Variants in CSMD1 observed in about 807,000 individuals in gnomAD.
The protein encoded by CSMD1 is CUB and Sushi multiple domains 1.
A neutral mutation model predicts 417.5 loss-of-function variants in CSMD1; 213 were observed. The ratio of observed to expected loss-of-function variants is 0.51; its 90% CI spans 0.46 to 0.57. The LOEUF is 0.57. Among genes scored for constraint, CSMD1 ranks in the 20% least tolerant of loss-of-function variants. CSMD1 has a pLI of 0.00. For missense variants in CSMD1, 6,923 were observed against 4,529.7 expected (o/e 1.53, Z -15.17); for synonymous variants, 2,862 against 1,736.8 (o/e 1.65, Z -16.11).
intron 3 of CSMD1, among the ~76,000 whole-genome samples, chr8:4,043,789 T>A (rs144804559): frequency 6.6e-6 from 1 of 152,194 alleles, no homozygotes; most frequent in African/African-American, 2.4e-5. Context: ...GCTTTATATA[T>A]GGTATTTCAA....
chr8:4,381,573 C>A (rs1017340370), intron 3 of CSMD1, among the ~76,000 whole-genome samples: 1 of 151,894 alleles, frequency 6.6e-6, no homozygotes. Flanking sequence ...GCAATTCTGC[C>A]CAAAAGCAAT....
chr8:4,243,735 G>C (rs1048635981), intron 3 of CSMD1, among the ~76,000 whole-genome samples: 7 of 152,030 alleles, frequency 4.6e-5, no homozygotes, highest in African/African-American at 1.7e-4. Context: ...CCACAAAAAA[G>C]AACACTCATT....
intron 3 of CSMD1, among the ~76,000 whole-genome samples, chr8:4,072,213 T>C (rs929409909): frequency 6.6e-6 from 1 of 152,210 alleles, no homozygotes; most frequent in East Asian, 1.9e-4. Context: ...TATTTTTATA[T>C]TTCATCCACA....
At chr8:4,135,115 T>C (rs565965365) in intron 3 of CSMD1, among the ~76,000 whole-genome samples, 7 of 152,304 alleles carry the variant, frequency 4.6e-5, no homozygotes, top group South Asian at 2.1e-4. Flanking sequence ...ATTGCATAAA[T>C]GTTCTTGACG....
intron 2 of CSMD1, among the ~76,000 whole-genome samples, chr8:4,441,200 G>A (rs1337793089): frequency 7.6e-6 from 1 of 130,986 alleles, no homozygotes; most frequent in Non-Finnish European, 1.6e-5. Context: ...CTGGGATCAA[G>A]CAATCCTCGC....
intron 5 of CSMD1, among the ~76,000 whole-genome samples, chr8:3,797,529 C>G (rs1055135438): frequency 2.0e-5 from 3 of 151,900 alleles, no homozygotes; most frequent in Admixed American, 6.6e-5. Context: ...ATATATTAGG[C>G]AAGCTCTCTT....
At chr8:4,614,043 A>C (rs1020177022) in intron 2 of CSMD1, among the ~76,000 whole-genome samples, 1 of 152,180 alleles carries the variant, frequency 6.6e-6, no homozygotes, top group Non-Finnish European at 1.5e-5. Context: ...ACCACATGCA[A>C]AATTATGATA....
rs549549989 is a variant in CSMD1, at chr8:3,576,668, A to G, written c.1223-1602T>C. 1.2e-4 allele frequency among the ~76,000 whole-genome samples: 19 copies of G among 152,336 alleles called. 1 individual carries two copies. The South Asian group carries it at 3.9e-3, about 32-fold the overall frequency. On this transcript the variant is annotated intron_variant, in intron 9 of 69. Coordinates refer to ENST00000635120, the MANE Select transcript of CSMD1 (RefSeq NM_033225.6). ...GTTTCCGAAACTCAGTAGGTGTGTCATTGGTCTAAAGGTCACTGGACAAAG... is the reference window on the plus strand; with the variant it reads ...GTTTCCGAAACTCAGTAGGTGTGTCGTTGGTCTAAAGGTCACTGGACAAAG...
chr8:3,401,340 T>C (rs1383759863), intron 15 of CSMD1, among the ~76,000 whole-genome samples: 1 of 152,144 alleles, frequency 6.6e-6, no homozygotes, highest in East Asian at 1.9e-4. Flanking sequence ...TGCATTTTTA[T>C]GTTTCTTGGA....
chr8:3,504,485 G>C (rs7839049), intron 10 of CSMD1, among the ~76,000 whole-genome samples: 95,910 of 152,006 alleles, frequency 0.63, 30,421 homozygotes, highest in East Asian at 0.8. Flanking sequence ...AATGGCAGTT[G>C]TGTTCATTAT....
intron 3 of CSMD1, among the ~76,000 whole-genome samples, chr8:4,332,533 C>T: frequency 6.8e-6 from 1 of 147,862 alleles, no homozygotes; most frequent in East Asian, 2.0e-4. Context: ...CAGTAATACC[C>T]TTCTGTCATG....
chr8:4,994,001 C>T (rs1280723275), intron 1 of CSMD1, among the ~76,000 whole-genome samples: 3 of 152,178 alleles, frequency 2.0e-5, no homozygotes, highest in Non-Finnish European at 2.9e-5. Context: ...TCGGAGGAGG[C>T]AACACCGCCC....
intron 8 of CSMD1, among the ~76,000 whole-genome samples, chr8:3,601,918 T>C (rs946324333): frequency 1.3e-5 from 2 of 152,086 alleles, no homozygotes; most frequent in Non-Finnish European, 2.9e-5. Context: ...GAGAGGGTTA[T>C]AGCACATTCT....
chr8:3,709,403 C>T (rs969672426), intron 6 of CSMD1, among the ~76,000 whole-genome samples: 5 of 152,088 alleles, frequency 3.3e-5, no homozygotes, highest in Non-Finnish European at 7.3e-5. Flanking sequence ...GCCTGTGACT[C>T]TATGTGTAAA....
chr8:3,204,696 T>A (rs1297631563), intron 31 of CSMD1, among the ~76,000 whole-genome samples: 1 of 152,196 alleles, frequency 6.6e-6, no homozygotes, highest in Non-Finnish European at 1.5e-5. Context: ...CTCAAATACG[T>A]CTAACATTAG....
chr8:3,580,333 G>T (rs1800329558), intron 9 of CSMD1, among the ~76,000 whole-genome samples: 1 of 152,100 alleles, frequency 6.6e-6, no homozygotes, highest in Admixed American at 6.6e-5. Context: ...AAGTGGTTTT[G>T]GAAGGACGTG....
chr8:3,986,390 G>A (rs774913146), intron 5 of CSMD1, among the ~76,000 whole-genome samples: 16 of 152,038 alleles, frequency 1.1e-4, no homozygotes, highest in Admixed American at 7.9e-4. Flanking sequence ...CCTAACCACA[G>A]GCCCTGGACA....
intron 10 of CSMD1, among the ~76,000 whole-genome samples, chr8:3,559,270 A>C (rs946523859): frequency 1.3e-5 from 2 of 152,228 alleles, no homozygotes; most frequent in African/African-American, 4.8e-5. Flanking sequence ...CTATGGAAAT[A>C]ACTGCCCTTG....
At position 4,994,830 on chromosome 8, in the gene CSMD1, G is replaced by C. The variant is rs1489419140; in HGVS notation, c.-414C>G. 2 of 196,108 alleles carry C rather than the reference G, an allele frequency of 1.0e-5. No individual in the cohort carries two copies. The highest frequency in any genetic ancestry group is 9.7e-5 in the South Asian group (1 of 10,362). The allele number at this position is 196,108 out of a possible 1,614,324, so 12.1% of individuals were successfully genotyped here. On this transcript the variant is annotated 5_prime_UTR_variant, in exon 1 of 70. Transcript: ENST00000635120. Reference sequence around the variant, plus strand: ...GGAGATGCGGGGAGGGGGGCGCGGGGGGGAGGAGAGATCCAGTCTAGAGAG... The same window carrying C: ...GGAGATGCGGGGAGGGGGGCGCGGGCGGGAGGAGAGATCCAGTCTAGAGAG...
Sources: gnomAD v4.1 joint callset for allele counts (sites outside exome capture counted in the v4.1 genomes callset) on GRCh38, gnomAD v4.1.1 for gene constraint, MANE v1.5 for transcripts, NCBI Gene and HGNC (gene_info 2026-07-23, HGNC 2026-07-21) for gene names.